The following SCN10A variants were observed in gnomAD, a reference collection of about 807,000 sequenced individuals.
The protein encoded by SCN10A is sodium voltage-gated channel alpha subunit 10.
A neutral mutation model predicts 170.7 loss-of-function variants in SCN10A; 162 were observed. That is an observed-to-expected ratio of 0.95 (90% CI 0.84 to 1.08). SCN10A has a LOEUF of 1.08. SCN10A is among the 50% of genes least tolerant of loss of function. The pLI, the probability that SCN10A is intolerant of heterozygous loss-of-function variation, is 0.00. For missense variants in SCN10A, 2,527 were observed against 2,436.9 expected, an observed-to-expected ratio of 1.04 and a Z score of -0.78; for synonymous variants, 985 against 904.6, an observed-to-expected ratio of 1.09 and a Z score of -1.59.
chr3:38,771,387 T>C lies in SCN10A; in HGVS notation c.491A>G (p.Tyr164Cys). Residue 164 changes from tyrosine (Y) to cysteine (C), a missense_variant, in exon 5 of 28, where the codon TAC becomes TGC. Transcript: ENST00000449082. ...TATCTTTATCAAGGCTTCAAAGGTGTAAATGACAGTGAAGACATATCTGGG... is the reference window on the plus strand; with the variant it reads ...TATCTTTATCAAGGCTTCAAAGGTGCAAATGACAGTGAAGACATATCTGGG... ...EKIEYVFTVIYTFEALIKILA... is the reference protein window; with the variant it reads ...EKIEYVFTVICTFEALIKILA... The C allele has an allele frequency of 6.2e-7, 1 of 1,614,052 alleles. No homozygotes were observed. The highest frequency in any genetic ancestry group is 8.5e-7 in the Non-Finnish European group (1 of 1,179,962).
chr3:38,753,688 G>A (rs916438976), intron 11 of SCN10A, among the ~76,000 whole-genome samples: 1 of 152,134 alleles, frequency 6.6e-6, no homozygotes, highest in Non-Finnish European at 1.5e-5. Flanking sequence ...CCATATTAAG[G>A]AAGGGAATAC....
intron 1 of SCN10A, among the ~76,000 whole-genome samples, chr3:38,795,580 C>G (rs576441486): frequency 6.6e-6 from 1 of 151,872 alleles, no homozygotes; most frequent in Admixed American, 6.6e-5. Context: ...TCTTGATGGT[C>G]CTATTGGCTG....
chr3:38,715,192 C>T (rs149301359), intron 21 of SCN10A, among the ~76,000 whole-genome samples: 1 of 152,266 alleles, frequency 6.6e-6, no homozygotes, highest in African/African-American at 2.4e-5. Context: ...ATGCTGAACC[C>T]TATTCAGTCT....
chr3:38,775,172 A>T (rs2064057491), intron 4 of SCN10A, among the ~76,000 whole-genome samples: 1 of 152,212 alleles, frequency 6.6e-6, no homozygotes, highest in Admixed American at 6.5e-5. Context: ...GTATTGTGGA[A>T]CTATCACCAC....
At position 38,728,793 on chromosome 3, in the gene SCN10A, T is replaced by C; in HGVS notation, c.2389A>G (p.Ile797Val). Reference sequence around the variant, plus strand: ...CCAACCAGAGCAAAGACAAAGACAATGATGGCCAGGATGATGGTGAGGTTC... The same window carrying C: ...CCAACCAGAGCAAAGACAAAGACAACGATGGCCAGGATGATGGTGAGGTTC... ...LGNLTIILAIIVFVFALVGKQ... is the reference protein window; with the variant it reads ...LGNLTIILAIVVFVFALVGKQ... The change falls in exon 16 of 28, where the codon ATT (isoleucine) becomes GTT (valine). Residue 797 changes from isoleucine to valine, a missense_variant. Physicochemically the swap from Ile to Val is conservative, Grantham distance 29. Coordinates refer to ENST00000449082, the MANE Select transcript of SCN10A (RefSeq NM_006514.4). 1.2e-6 allele frequency: 2 copies of C among 1,614,050 alleles called. No individual in the cohort carries two copies. The highest frequency in any genetic ancestry group is 1.1e-5 in the South Asian group (1 of 91,072).
At position 38,757,156 on chromosome 3, in the gene SCN10A, G is replaced by A; in HGVS notation, c.954C>T (p.His318=). 6.3e-7 allele frequency: 1 copy of A among 1,598,264 alleles called. No individual in the cohort carries two copies. The highest frequency in any genetic ancestry group is 1.1e-5 in the South Asian group (1 of 87,992). The change falls in exon 9 of 28, where the codon CAC becomes CAT. Residue 318 remains histidine (H), a synonymous_variant. Coordinates refer to ENST00000449082, the MANE Select transcript of SCN10A (RefSeq NM_006514.4). ...LLCGNGSDSG[H]CPDGYICLKT... ...TAAGGCAGATATAACCATCAGGGCAGTGGCTGCAGCAAGAACAGAGAAGGT... is the reference window on the plus strand; with the variant it reads ...TAAGGCAGATATAACCATCAGGGCAATGGCTGCAGCAAGAACAGAGAAGGT...
Position 38,697,176 on chromosome 3 carries a change from A to T in SCN10A, c.*173T>A. ...CTTAGCTTCTGACTCCTATTTGTGT[A>T]TGATGGTTTTTTCAAAGGTGGTTAC... On this transcript the variant is annotated 3_prime_UTR_variant, in exon 28 of 28. Coordinates refer to ENST00000449082, the MANE Select transcript of SCN10A (RefSeq NM_006514.4). 1 of 954,782 alleles carries T rather than the reference A, an allele frequency of 1.0e-6. No homozygotes were observed. The highest frequency in any genetic ancestry group is 1.8e-5 in the South Asian group (1 of 55,426). 59.1% of individuals were successfully genotyped at this position (954,782 alleles called of 1,614,324 possible).
intron 15 of SCN10A, among the ~76,000 whole-genome samples, chr3:38,737,861 CTT>C (rs911904216): frequency 7.0e-6 from 1 of 143,048 alleles, no homozygotes; most frequent in Non-Finnish European, 1.5e-5. Flanking sequence ...TTCTCTTTTT[CTT>C]TCTCTCTCCC....
Position 38,800,965 on chromosome 3 carries a change from G to C in SCN10A, c.-32-6923C>G, listed in dbSNP as rs76527198. Reference sequence around the variant, plus strand: ...ACAGGTGTTTCACATTTGCCATTTCGATAGTGATGGAAATAGCTATGGTTG... The same window carrying C: ...ACAGGTGTTTCACATTTGCCATTTCCATAGTGATGGAAATAGCTATGGTTG... On this transcript the variant is annotated intron_variant, in intron 1 of 27. Coordinates refer to ENST00000449082, the MANE Select transcript of SCN10A (RefSeq NM_006514.4). 2.5e-3 allele frequency among the ~76,000 whole-genome samples: 379 copies of C among 152,186 alleles called. 2 individuals are homozygous for C. The highest frequency in any genetic ancestry group is 8.6e-3 in the African/African-American group (357 of 41,534).
At chr3:38,782,835 T>G (rs544731403) in intron 4 of SCN10A, among the ~76,000 whole-genome samples, 73 of 152,102 alleles carry the variant, frequency 4.8e-4, no homozygotes, top group Non-Finnish European at 1.0e-3. Flanking sequence ...AAAATGTACA[T>G]AAAACATAAA....
chr3:38,752,298 T>A lies in SCN10A; in HGVS notation c.1676A>T (p.Asn559Ile). 1.9e-6 allele frequency: 3 copies of A among 1,607,536 alleles called. No homozygotes were observed. In the Admixed American group the frequency reaches 5.1e-5, roughly 27 times the overall value. The change falls in exon 12 of 28, where the codon AAC (asparagine) becomes ATC (isoleucine). Residue 559 changes from asparagine (N) to isoleucine (I), a missense_variant. Asn to Ile is a moderately radical substitution (Grantham distance 149). Transcript: ENST00000449082. ...ATCTTCTCCATGCCTGGAGTCAGGG[T>A]TGCTGGGTTGAGGAAGAGGGCTTCT... ...LPRSPLPQPSNPDSRHGEDEH... is the reference protein window; with the variant it reads ...LPRSPLPQPSIPDSRHGEDEH...
rs148875365 is a variant in SCN10A, at chr3:38,704,363, G to A, written c.4387-2254C>T. Among the ~76,000 whole-genome samples the A allele has an allele frequency of 5.3e-5, 8 of 152,266 alleles. No homozygotes were observed. The East Asian group carries it at 1.5e-3, about 29-fold the overall frequency. ...CACTGAAAATGGTGAAAAAATACAG[G>A]CCCATTCATGGTCACATGACTTCTA... On this transcript the variant is annotated intron_variant, in intron 26 of 27. Coordinates refer to ENST00000449082, the MANE Select transcript of SCN10A (RefSeq NM_006514.4).
At chr3:38,770,552 C>A (rs956731042) in intron 5 of SCN10A, among the ~76,000 whole-genome samples, 1 of 152,034 alleles carries the variant, frequency 6.6e-6, no homozygotes, top group Admixed American at 6.6e-5. Flanking sequence ...TAGTGAGAGG[C>A]CTCACCTAGC....
chr3:38,787,354 T>C (rs1427968844), intron 4 of SCN10A, among the ~76,000 whole-genome samples: 1 of 152,186 alleles, frequency 6.6e-6, no homozygotes, highest in Admixed American at 6.6e-5. Flanking sequence ...GATTTATGTA[T>C]GTTAATTTGT....
intron 15 of SCN10A, among the ~76,000 whole-genome samples, chr3:38,737,832 C>CTTTCTTTCTTTCTTTCTTTT (rs373851282): frequency 5.7e-5 from 4 of 70,150 alleles, no homozygotes; most frequent in African/African-American, 2.0e-4. Context: ...TTCTTTCTTT[C>CTTTCTTTCTTTCTTTCTTTT]TCTTTCTTCT....
chr3:38,721,673 A>G (rs544640074), intron 20 of SCN10A, among the ~76,000 whole-genome samples: 1 of 152,366 alleles, frequency 6.6e-6, no homozygotes, highest in East Asian at 1.9e-4. Context: ...TTAGAAATGC[A>G]AATTCTCAGG....
At position 38,728,832 on chromosome 3, in the gene SCN10A, C is replaced by G. The variant is rs1222966349; in HGVS notation, c.2350G>C (p.Val784Leu). ...ATGGTGAGGTTCCCCAGTGCCCCCACTGAGTTTCCGATGATCTTGATGAGT... is the reference window on the plus strand; with the variant it reads ...ATGGTGAGGTTCCCCAGTGCCCCCAGTGAGTTTCCGATGATCTTGATGAGT... ...NTLIKIIGNS[V>L]GALGNLTIIL... The change falls in exon 16 of 28, where the codon GTG becomes CTG. Residue 784 changes from valine (V) to leucine (L), a missense_variant. Coordinates refer to ENST00000449082, the MANE Select transcript of SCN10A (RefSeq NM_006514.4). 1.2e-6 allele frequency: 2 copies of G among 1,614,102 alleles called. No individual in the cohort carries two copies. Among genetic ancestry groups the G allele is most frequent in the Admixed American group, 1.7e-5 (1 of 60,006 alleles).
At chr3:38,758,768 C>T (rs2063837121) in intron 8 of SCN10A, among the ~76,000 whole-genome samples, 1 of 152,190 alleles carries the variant, frequency 6.6e-6, no homozygotes, top group Non-Finnish European at 1.5e-5. Context: ...GGTCCACTCC[C>T]CCACTGCCTG....
At chr3:38,726,493 G>T in intron 17 of SCN10A, 113 bp downstream of exon 17, 1 of 866,560 alleles carries the variant, frequency 1.2e-6, no homozygotes, top group Non-Finnish European at 1.7e-6. Flanking sequence ...GCTTGGCATG[G>T]TTTAAACTTC....
Sources: gnomAD v4.1 joint callset for allele counts (sites outside exome capture counted in the v4.1 genomes callset) on GRCh38, gnomAD v4.1.1 for gene constraint, MANE v1.5 for transcripts, NCBI Gene and HGNC (gene_info 2026-07-23, HGNC 2026-07-21) for gene names.